SLC25A26: variants seen among roughly 807,000 people sequenced by gnomAD.
SLC25A26 encodes the protein solute carrier family 25 member 26.
SLC25A26 carries 36 observed loss-of-function variants against 37.8 expected under a neutral mutation model. The ratio of observed to expected loss-of-function variants is 0.95; its 90% CI spans 0.73 to 1.26. The LOEUF is 1.26. Among genes scored for constraint, SLC25A26 ranks in the 50% most tolerant of loss-of-function variants. The pLI, the probability that SLC25A26 is intolerant of heterozygous loss-of-function variation, is 0.00. For synonymous variants in SLC25A26, 129 were observed against 122.5 expected, an observed-to-expected ratio of 1.05 and a Z score of -0.35; for missense variants, 390 against 331.1, an observed-to-expected ratio of 1.18 and a Z score of -1.38.
intron 3 of SLC25A26, among the ~76,000 whole-genome samples, chr3:66,253,030 C>CG (rs1010106346): frequency 6.8e-6 from 1 of 147,970 alleles, no homozygotes; most frequent in Non-Finnish European, 1.5e-5. Context: ...AATGCCCCCC[C>CG]CCCCCCATAA....
upstream of SLC25A26, among the ~76,000 whole-genome samples, chr3:66,216,866 GATA>G (rs2071369689): frequency 6.6e-6 from 1 of 152,144 alleles, no homozygotes; most frequent in Non-Finnish European, 1.5e-5. Flanking sequence ...GCAATGTGGT[GATA>G]ATGATGATGC....
At chr3:66,370,029 C>T (rs937857327) in intron 8 of SLC25A26, among the ~76,000 whole-genome samples, 5 of 152,050 alleles carry the variant, frequency 3.3e-5, no homozygotes, top group African/African-American at 1.2e-4. Context: ...CTGAACTGAA[C>T]CAAAACAAAA....
chr3:66,181,986 G>A (rs1338516188), intron 1 of SLC25A26, among the ~76,000 whole-genome samples: 1 of 152,050 alleles, frequency 6.6e-6, no homozygotes, highest in East Asian at 1.9e-4. Context: ...CTCCCTAAGG[G>A]TGGCCTTGCC....
chr3:66,360,481 A>G (rs528164762), intron 6 of SLC25A26, among the ~76,000 whole-genome samples: 2 of 152,306 alleles, frequency 1.3e-5, no homozygotes, highest in Admixed American at 6.5e-5. Context: ...ACGGTCATCT[A>G]TGTCGAAAAT....
chr3:66,158,296 T>G (rs376612715), intron 1 of SLC25A26, among the ~76,000 whole-genome samples: 64 of 152,364 alleles, frequency 4.2e-4, no homozygotes, highest in Middle Eastern at 6.8e-3. Context: ...TATTCTTTTT[T>G]ATAGCTTAAT....
At chr3:66,207,371 G>C (rs979697862) in intron 1 of SLC25A26, among the ~76,000 whole-genome samples, 7 of 152,076 alleles carry the variant, frequency 4.6e-5, no homozygotes, top group African/African-American at 1.4e-4. Context: ...AACAAGCCAG[G>C]TATAACCATC....
At chr3:66,220,130 A>G (rs1385599340), upstream of SLC25A26, among the ~76,000 whole-genome samples, 2 of 152,232 alleles carry the variant, frequency 1.3e-5, no homozygotes, top group African/African-American at 4.8e-5. Context: ...GGCATTAAGT[A>G]TATTTTCAGT....
At chr3:66,314,646 G>C (rs892046626) in intron 5 of SLC25A26, among the ~76,000 whole-genome samples, 1 of 152,182 alleles carries the variant, frequency 6.6e-6, no homozygotes, top group Non-Finnish European at 1.5e-5. Context: ...ATGAATTAGG[G>C]AGGAGCACTT....
chr3:66,297,558 G>T (rs992384506), intron 5 of SLC25A26, among the ~76,000 whole-genome samples: 1 of 152,240 alleles, frequency 6.6e-6, no homozygotes, highest in African/African-American at 2.4e-5. Flanking sequence ...GCTATCTTGT[G>T]CCTTTTGAAG....
intron 3 of SLC25A26, among the ~76,000 whole-genome samples, chr3:66,256,187 C>A (rs2073294696): frequency 1.3e-5 from 2 of 152,082 alleles, no homozygotes; most frequent in Middle Eastern, 3.4e-3. Flanking sequence ...ATTTTCAGTT[C>A]TTTAATGAGT....
chr3:66,304,547 G>T, intron 5 of SLC25A26: 1 of 448,436 alleles, frequency 2.2e-6, no homozygotes, highest in Non-Finnish European at 4.5e-6. Flanking sequence ...GGTAAGCTCT[G>T]TAACAACCCC....
intron 1 of SLC25A26, among the ~76,000 whole-genome samples, chr3:66,187,369 C>T (rs2070848856): frequency 1.3e-5 from 2 of 152,172 alleles, no homozygotes; most frequent in African/African-American, 4.8e-5. Context: ...TTTATGATGA[C>T]TCTTATTCTC....
chr3:66,209,065 TAC>T (rs1290674607), intron 1 of SLC25A26, among the ~76,000 whole-genome samples: 2,055 of 27,688 alleles, frequency 0.074, 136 homozygotes, highest in East Asian at 0.11. Flanking sequence ...TATATATATA[TAC>T]ACACACACAC....
chr3:66,169,673 T>C (rs2070469095), intron 1 of SLC25A26, among the ~76,000 whole-genome samples: 1 of 152,234 alleles, frequency 6.6e-6, no homozygotes, highest in Non-Finnish European at 1.5e-5. Context: ...GTCAAATGTA[T>C]ACTAGGCACT....
chr3:66,152,384 A>C (rs2070220715), intron 1 of SLC25A26, among the ~76,000 whole-genome samples: 1 of 152,212 alleles, frequency 6.6e-6, no homozygotes, highest in South Asian at 2.1e-4. Flanking sequence ...GATCAAAATG[A>C]CTTACTTAAA....
At chr3:66,157,341 G>A (rs138578087) in intron 1 of SLC25A26, among the ~76,000 whole-genome samples, 1,760 of 152,264 alleles carry the variant, frequency 0.012, 20 homozygotes, top group African/African-American at 0.031. Flanking sequence ...TGTAATCCTA[G>A]CACTTTGGAA....
At chr3:66,190,651 A>C (rs1205657262) in intron 1 of SLC25A26, among the ~76,000 whole-genome samples, 1 of 150,968 alleles carries the variant, frequency 6.6e-6, no homozygotes, top group Non-Finnish European at 1.5e-5. Flanking sequence ...CTGGTCTCAA[A>C]CTCCTGGCCT....
rs1437734821 is a variant in SLC25A26, at chr3:66,209,832, C to T, written c.-353-10910C>T. Reference sequence around the variant, plus strand: ...AGGTGTATCTATACACACACACACACCTTATATATAGAGAGAGGTGTGTAT... The same window carrying T: ...AGGTGTATCTATACACACACACACATCTTATATATAGAGAGAGGTGTGTAT... On this transcript the variant is annotated intron_variant, in intron 1 of 10. Transcript: ENST00000676754. 0.01 allele frequency among the ~76,000 whole-genome samples: 1,241 copies of T among 120,434 alleles called. 100 individuals carry two copies. The East Asian group carries it at 0.17, about 16-fold the overall frequency. 79.0% of individuals were successfully genotyped at this position (120,434 alleles called of 152,430 possible). A position where few individuals can be genotyped will look rare whatever the true frequency, so the allele number is the denominator to read the frequency against.
At chr3:66,311,863 A>T (rs2075387882) in intron 5 of SLC25A26, among the ~76,000 whole-genome samples, 1 of 152,074 alleles carries the variant, frequency 6.6e-6, no homozygotes, top group South Asian at 2.1e-4. Context: ...TTCCTCTGAA[A>T]GCTTTGTCCC....
Sources: gnomAD v4.1 joint callset for allele counts (sites outside exome capture counted in the v4.1 genomes callset) on GRCh38, gnomAD v4.1.1 for gene constraint, MANE v1.5 for transcripts, NCBI Gene and HGNC (gene_info 2026-07-23, HGNC 2026-07-21) for gene names.